PDZRN3: variants seen among roughly 807,000 people sequenced by gnomAD.
PDZRN3 encodes E3 ubiquitin-protein ligase PDZRN3.
PDZRN3 carries 38 observed loss-of-function variants against 85.7 expected under a neutral mutation model. The observed-to-expected ratio is 0.44, with a 90% CI of 0.34 to 0.58. The LOEUF is 0.58. Among genes scored for constraint, PDZRN3 ranks in the 20% least tolerant of loss-of-function variants. PDZRN3 has a pLI of 0.01. For synonymous variants in PDZRN3, 759 were observed against 638.0 expected, an observed-to-expected ratio of 1.19 and a Z score of -2.86; for missense variants, 1,629 against 1,506.4, an observed-to-expected ratio of 1.08 and a Z score of -1.35.
chr3:73,507,771 T>C (rs1453572364), intron 3 of PDZRN3, among the ~76,000 whole-genome samples: 3 of 152,100 alleles, frequency 2.0e-5, no homozygotes, highest in African/African-American at 7.2e-5. Flanking sequence ...GTATTGGCAA[T>C]TGTAAGTCAG....
intron 3 of PDZRN3, among the ~76,000 whole-genome samples, chr3:73,406,178 C>T (rs1374394801): frequency 6.6e-6 from 1 of 152,202 alleles, no homozygotes; most frequent in Non-Finnish European, 1.5e-5. Context: ...TTAAATTCCC[C>T]ATCCTGGAGG....
In PDZRN3 at chr3:73,471,489, T is replaced by A. The variant is rs115431070; in HGVS notation, c.919-67094A>T. 2.6e-3 allele frequency among the ~76,000 whole-genome samples: 391 copies of A among 152,352 alleles called. 1 individual carries two copies. Among genetic ancestry groups the A allele is most frequent in the African/African-American group, 8.8e-3 (366 of 41,576 alleles). Reference sequence around the variant, plus strand: ...ATTAATCTAGGGGCTTCTAGAGAACTTTACCTTTATGACTGTAAAGCAAAC... The same window carrying A: ...ATTAATCTAGGGGCTTCTAGAGAACATTACCTTTATGACTGTAAAGCAAAC... On this transcript the variant is annotated intron_variant, in intron 3 of 9. Coordinates refer to ENST00000263666, the MANE Select transcript of PDZRN3 (RefSeq NM_015009.3).
intron 3 of PDZRN3, among the ~76,000 whole-genome samples, chr3:73,504,695 T>G (rs1704039611): frequency 6.6e-6 from 1 of 152,210 alleles, no homozygotes; most frequent in Admixed American, 6.5e-5. Flanking sequence ...ATGCTGTGAC[T>G]TAACACCTCC....
intron 3 of PDZRN3, among the ~76,000 whole-genome samples, chr3:73,556,305 C>A (rs13325069): frequency 0.011 from 1,617 of 151,826 alleles, 27 homozygotes; most frequent in African/African-American, 0.036. Context: ...AGTTATATAA[C>A]ACAGCAAATT....
In PDZRN3 at chr3:73,624,311, G is replaced by T; in HGVS notation, c.515C>A (p.Ala172Glu). 1 of 1,316,844 alleles carries T rather than the reference G, an allele frequency of 7.6e-7. No individual in the cohort carries two copies. The highest frequency in any genetic ancestry group is 3.1e-5 in the East Asian group (1 of 32,176). The allele number at this position is 1,316,844 out of a possible 1,614,324, so 81.6% of individuals were successfully genotyped here. A position where few individuals can be genotyped will look rare whatever the true frequency, so the allele number is the denominator to read the frequency against. ...CARALRAHNG[A>E]LQARLGALHK... ...CAGCGCGCCCAGGCGGGCCTGGAGC[G>T]CGCCGTTGTGCGCCCGCAGCGCTCG... Residue 172 changes from alanine (A) to glutamate (E), a missense_variant, in exon 1 of 10, where the codon GCG (alanine) becomes GAG (glutamate). Transcript: ENST00000263666.
chr3:73,437,482 C>T (rs1336583903), intron 3 of PDZRN3, among the ~76,000 whole-genome samples: 1 of 152,170 alleles, frequency 6.6e-6, no homozygotes, highest in Admixed American at 6.5e-5. Flanking sequence ...GTGTGCTGGA[C>T]CCCCAGGGGT....
At chr3:73,454,784 C>CTAAATAGA (rs1169688836) in intron 3 of PDZRN3, among the ~76,000 whole-genome samples, 1 of 152,028 alleles carries the variant, frequency 6.6e-6, no homozygotes, top group Non-Finnish European at 1.5e-5. Flanking sequence ...TTACAAGTAA[C>CTAAATAGA]TAAATAGATT....
chr3:73,481,341 A>G (rs1295671832), intron 3 of PDZRN3, among the ~76,000 whole-genome samples: 1 of 152,212 alleles, frequency 6.6e-6, no homozygotes, highest in African/African-American at 2.4e-5. Context: ...GTGTGAGGGC[A>G]GGATTCTTTT....
At chr3:73,406,165 CTT>C (rs1347104062) in intron 3 of PDZRN3, among the ~76,000 whole-genome samples, 3 of 152,222 alleles carry the variant, frequency 2.0e-5, no homozygotes, top group Non-Finnish European at 4.4e-5. Context: ...AACCACCAAA[CTT>C]TTAAATTCCC....
intron 3 of PDZRN3, among the ~76,000 whole-genome samples, chr3:73,476,755 G>A (rs1703467157): frequency 6.6e-6 from 1 of 152,188 alleles, no homozygotes; most frequent in Non-Finnish European, 1.5e-5. Flanking sequence ...GAGAGAAACT[G>A]AGGCCTCTTA....
intron 3 of PDZRN3, among the ~76,000 whole-genome samples, chr3:73,466,431 G>A (rs1022330387): frequency 2.6e-5 from 4 of 152,126 alleles, no homozygotes; most frequent in Non-Finnish European, 5.9e-5. Flanking sequence ...CACGGTGGCT[G>A]TGTCTCCAAG....
intron 3 of PDZRN3, among the ~76,000 whole-genome samples, chr3:73,433,414 C>A (rs1470606443): frequency 6.6e-6 from 1 of 152,234 alleles, no homozygotes; most frequent in Non-Finnish European, 1.5e-5. Context: ...TTATGACCAT[C>A]AACATCTATT....
At chr3:73,410,757 A>G (rs994828857) in intron 3 of PDZRN3, among the ~76,000 whole-genome samples, 3 of 152,224 alleles carry the variant, frequency 2.0e-5, no homozygotes, top group Admixed American at 2.0e-4. Context: ...TTTATAAAAT[A>G]CTTTCTTTTC....
chr3:73,402,960 T>TTTTTTTTTTTTTTTTTTTG (rs1429244382), intron 4 of PDZRN3, among the ~76,000 whole-genome samples: 4 of 99,018 alleles, frequency 4.0e-5, no homozygotes, highest in African/African-American at 1.5e-4. Flanking sequence ...TTTTTTTTTT[T>TTTTTTTTTTTTTTTTTTTG]TGAGACGGAG....
intron 3 of PDZRN3, among the ~76,000 whole-genome samples, chr3:73,559,609 C>T (rs1028302912): frequency 2.6e-5 from 4 of 152,234 alleles, no homozygotes; most frequent in African/African-American, 4.8e-5. Context: ...TTTCACTGCA[C>T]ATCAAGGCCA....
intron 3 of PDZRN3, among the ~76,000 whole-genome samples, chr3:73,455,152 T>A (rs181667647): frequency 2.0e-5 from 3 of 152,336 alleles, no homozygotes. Context: ...AGAATCACCA[T>A]GAGTAATGAC....
At chr3:73,530,003 G>A (rs1480225818) in intron 3 of PDZRN3, among the ~76,000 whole-genome samples, 1 of 152,180 alleles carries the variant, frequency 6.6e-6, no homozygotes, top group Non-Finnish European at 1.5e-5. Context: ...AATGTTAGCT[G>A]TCACCATCAT....
At chr3:73,397,592 C>G (rs1220139887) in intron 5 of PDZRN3, among the ~76,000 whole-genome samples, 3 of 152,248 alleles carry the variant, frequency 2.0e-5, no homozygotes, top group Middle Eastern at 6.3e-3. Context: ...AGACACACCT[C>G]TGAAACAGAG....
Position 73,389,890 on chromosome 3 carries a change from A to G in PDZRN3, c.1354-12T>C. Reference sequence around the variant, plus strand: ...CTGTTAGGGTCAATCTGAAACACACATGGACCATCTCAGCGCAAACGCAGA... The same window carrying G: ...CTGTTAGGGTCAATCTGAAACACACGTGGACCATCTCAGCGCAAACGCAGA... On this transcript the variant is annotated splice_polypyrimidine_tract_variant and intron_variant, in intron 6 of 9. Coordinates refer to ENST00000263666, the MANE Select transcript of PDZRN3 (RefSeq NM_015009.3). The G allele has an allele frequency of 6.2e-7, 1 of 1,609,024 alleles. No individual in the cohort carries two copies. The highest frequency in any genetic ancestry group is 8.5e-7 in the Non-Finnish European group (1 of 1,175,340).
Sources: allele counts gnomAD v4.1 joint callset (sites outside exome capture counted in the v4.1 genomes callset), GRCh38; gene constraint gnomAD v4.1.1; transcripts MANE v1.5; gene names NCBI Gene and HGNC (gene_info 2026-07-23, HGNC 2026-07-21).